SORCS2: variants seen among roughly 807,000 people sequenced by gnomAD.
SORCS2 encodes the protein sortilin related VPS10 domain containing receptor 2.
Under a neutral mutation model 141.6 loss-of-function variants are expected in SORCS2, and 100 were observed. The ratio of observed to expected loss-of-function variants is 0.71; its 90% confidence interval spans 0.60 to 0.83. The LOEUF (loss-of-function observed/expected upper bound fraction) is 0.83. Ranked by LOEUF, SORCS2 falls within the 40% of genes least tolerant of loss-of-function variation. The pLI is 0.00. For synonymous variants in SORCS2, 789 were observed against 676.9 expected, an observed-to-expected ratio of 1.17 and a Z score of -2.57; for missense variants, 1,646 against 1,560.2, an observed-to-expected ratio of 1.05 and a Z score of -0.93.
chr4:7,556,184 G>A (rs1017978771), intron 3 of SORCS2, among the ~76,000 whole-genome samples: 6 of 152,170 alleles, frequency 3.9e-5, no homozygotes, highest in Non-Finnish European at 8.8e-5. Context: ...TGGGGGTCTG[G>A]ACAGTGGGGC....
chr4:7,480,237 A>G (rs1730549124), intron 2 of SORCS2, among the ~76,000 whole-genome samples: 1 of 152,184 alleles, frequency 6.6e-6, no homozygotes, highest in Non-Finnish European at 1.5e-5. Context: ...AGAGTCTCTG[A>G]TGGCACGTGG....
At chr4:7,359,561 T>G (rs1199382292) in intron 1 of SORCS2, among the ~76,000 whole-genome samples, 1 of 152,208 alleles carries the variant, frequency 6.6e-6, no homozygotes, top group Non-Finnish European at 1.5e-5. Flanking sequence ...CGTCCTTGTC[T>G]GCACCCCGCA....
chr4:7,617,639 G>C (rs1025546125), intron 3 of SORCS2, among the ~76,000 whole-genome samples: 4 of 152,230 alleles, frequency 2.6e-5, no homozygotes, highest in Non-Finnish European at 5.9e-5. Flanking sequence ...CATAGAGGAG[G>C]AGACATTTGA....
chr4:7,358,500 C>T (rs922578341), intron 1 of SORCS2, among the ~76,000 whole-genome samples: 4 of 152,226 alleles, frequency 2.6e-5, no homozygotes, highest in South Asian at 4.1e-4. Context: ...GCCAGGCCCA[C>T]GTGCCAGTGA....
chr4:7,441,652 TCCC>T (rs1727673774), intron 2 of SORCS2, among the ~76,000 whole-genome samples: 1 of 124,816 alleles, frequency 8.0e-6, no homozygotes, highest in Admixed American at 8.1e-5. Flanking sequence ...ATCTACCCCC[TCCC>T]CTAGCCCAGA....
At position 7,192,783 on chromosome 4, in the gene SORCS2, G is replaced by A; in HGVS notation, c.137G>A (p.Cys46Tyr). The change falls in exon 1 of 27, where the codon TGC (cysteine) becomes TAC (tyrosine). Residue 46 changes from cysteine to tyrosine, a missense_variant. Physicochemically the swap from Cys to Tyr is radical, Grantham distance 194 (BLOSUM62 -2). Transcript: ENST00000507866. This position sits in a 1 kb window ranked among gnomAD's most constrained non-coding sequence, Gnocchi z 4.0. ...LLLLLLLLGA[C>Y]GAAGRSPEPG... ...CTGCTGCTGCTGCTGCTGGGCGCCT[G>A]CGGGGCGGCGGGGCGCTCCCCTGAG... is the stretch of plus-strand genomic sequence containing the variant. 1 of 1,011,428 alleles carries A rather than the reference G, an allele frequency of 9.9e-7. No homozygotes were observed. The highest frequency in any genetic ancestry group is 1.0e-4 in the East Asian group (1 of 9,952). 62.7% of individuals were successfully genotyped at this position (1,011,428 alleles called of 1,614,324 possible). A position where few individuals can be genotyped will look rare whatever the true frequency, so the allele number is the denominator to read the frequency against.
chr4:7,445,379 G>A (rs1369131789), intron 2 of SORCS2, among the ~76,000 whole-genome samples: 2 of 152,144 alleles, frequency 1.3e-5, no homozygotes, highest in Non-Finnish European at 2.9e-5. Context: ...CGGGTCTGGA[G>A]GGGGCTGCTG....
intron 23 of SORCS2, among the ~76,000 whole-genome samples, chr4:7,731,935 G>C (rs550888439): frequency 6.6e-6 from 1 of 152,108 alleles, no homozygotes; most frequent in African/African-American, 2.4e-5. Flanking sequence ...TGCAACAAAC[G>C]CAAAAATAGA....
At chr4:7,209,933 GA>G (rs1286025117) in intron 1 of SORCS2, among the ~76,000 whole-genome samples, 4 of 152,234 alleles carry the variant, frequency 2.6e-5, no homozygotes, top group Non-Finnish European at 5.9e-5. Flanking sequence ...TCTGCCGGGG[GA>G]AGGGGTGAAG....
At chr4:7,255,619 C>G (rs963773368) in intron 1 of SORCS2, among the ~76,000 whole-genome samples, 1 of 152,164 alleles carries the variant, frequency 6.6e-6, no homozygotes, top group African/African-American at 2.4e-5. Context: ...TGGTTAGCCT[C>G]GTCTTCTCAG....
At chr4:7,332,912 G>A (rs1486817565) in intron 1 of SORCS2, among the ~76,000 whole-genome samples, 1 of 152,208 alleles carries the variant, frequency 6.6e-6, no homozygotes, top group East Asian at 1.9e-4. Flanking sequence ...ATGTGGCCTT[G>A]GACCAGTCTC....
intron 25 of SORCS2, among the ~76,000 whole-genome samples, chr4:7,736,412 A>C (rs1445515848): frequency 6.6e-6 from 1 of 152,192 alleles, no homozygotes; most frequent in Non-Finnish European, 1.5e-5. Context: ...GGCGATGTTC[A>C]TCAGCTGCAT....
intron 3 of SORCS2, among the ~76,000 whole-genome samples, chr4:7,628,519 G>GAA (rs11461925): frequency 0.22 from 30,383 of 135,100 alleles, 4,455 homozygotes; most frequent in East Asian, 0.65. Context: ...ACTCCGTCTC[G>GAA]AAAAAAAAAA....
At chr4:7,325,909 G>A (rs1719226452) in intron 1 of SORCS2, among the ~76,000 whole-genome samples, 1 of 152,188 alleles carries the variant, frequency 6.6e-6, no homozygotes, top group Non-Finnish European at 1.5e-5. Flanking sequence ...GCGGAGTTGG[G>A]GGGTTGGTAC....
chr4:7,416,121 C>A lies in SORCS2; in HGVS notation c.548+19766C>A, dbSNP rs906144661. Among the ~76,000 whole-genome samples the A allele has an allele frequency of 9.2e-5, 14 of 152,038 alleles. 1 individual carries two copies. Among genetic ancestry groups the A allele is most frequent in the Non-Finnish European group, 1.5e-5 (1 of 68,016 alleles). ...TCTAGCCAGGGTTGGATTAAGGAGG[C>A]CTCATGTGCCGGCCGGAGGGGCCTG... On this transcript the variant is annotated intron_variant, in intron 2 of 26. Coordinates refer to ENST00000507866, the MANE Select transcript of SORCS2 (RefSeq NM_020777.3).
At chr4:7,708,242 A>G (rs1361479101) in intron 14 of SORCS2, among the ~76,000 whole-genome samples, 1 of 151,922 alleles carries the variant, frequency 6.6e-6, no homozygotes, top group African/African-American at 2.4e-5. Context: ...ACCTGCTTAG[A>G]CTCTGATTCT....
chr4:7,348,424 C>A lies in SORCS2; in HGVS notation c.481-47864C>A, dbSNP rs1720757997. Among the ~76,000 whole-genome samples, 4 of 152,342 alleles carry A rather than the reference C, an allele frequency of 2.6e-5. No individual in the cohort carries two copies. In the South Asian group the frequency reaches 8.3e-4, roughly 32 times the overall value. Reference sequence around the variant, plus strand: ...CTTGTGGCATGCATTTGTTCACCTGCTTCCCCACAATGGCCCCACTACTGT... The same window carrying A: ...CTTGTGGCATGCATTTGTTCACCTGATTCCCCACAATGGCCCCACTACTGT... On this transcript the variant is annotated intron_variant, in intron 1 of 26. Transcript: ENST00000507866.
At chr4:7,210,430 C>T (rs560437071) in intron 1 of SORCS2, among the ~76,000 whole-genome samples, 7 of 152,354 alleles carry the variant, frequency 4.6e-5, no homozygotes, top group Non-Finnish European at 7.3e-5. Context: ...TATAGGCACG[C>T]GCTACCATGC....
At chr4:7,341,271 C>G (rs946189679) in intron 1 of SORCS2, among the ~76,000 whole-genome samples, 1 of 152,226 alleles carries the variant, frequency 6.6e-6, no homozygotes, top group Non-Finnish European at 1.5e-5. Context: ...GCCCCTGGGC[C>G]TTTGCACATG....
Sources: gnomAD v4.1 joint callset for allele counts (sites outside exome capture counted in the v4.1 genomes callset) on GRCh38, gnomAD v4.1.1 for gene constraint, Gnocchi (gnomAD v3.1) non-coding constraint, MANE v1.5 for transcripts, NCBI Gene and HGNC (gene_info 2026-07-23, HGNC 2026-07-21) for gene names.